The following BICC1 variants were observed in gnomAD, a reference collection of about 807,000 sequenced individuals.
The protein encoded by BICC1 is BicC family RNA binding protein 1, also known as protein bicaudal C homolog 1.
BICC1 carries 43 observed loss-of-function variants against 111.0 expected under a neutral mutation model. The ratio of observed to expected loss-of-function variants is 0.39; its 90% CI spans 0.30 to 0.50. The LOEUF (loss-of-function observed/expected upper bound fraction) is 0.50, where lower values mean the gene tolerates loss of function less well. Among genes scored for constraint, BICC1 ranks in the 20% least tolerant of loss-of-function variants. The pLI is 0.88. For missense variants in BICC1, 1,091 were observed against 1,203.2 expected, an observed-to-expected ratio of 0.91 and a Z score of 1.38; for synonymous variants, 467 against 434.4, an observed-to-expected ratio of 1.07 and a Z score of -0.93.
intron 1 of BICC1, among the ~76,000 whole-genome samples, chr10:58,570,734 T>G (rs1226897420): frequency 6.6e-6 from 1 of 152,128 alleles, no homozygotes; most frequent in Non-Finnish European, 1.5e-5. Context: ...GTCAGGGAAG[T>G]TATGTGCAAA....
At chr10:58,737,508 T>A (rs1841509919) in intron 3 of BICC1, among the ~76,000 whole-genome samples, 1 of 152,222 alleles carries the variant, frequency 6.6e-6, no homozygotes, top group Admixed American at 6.5e-5. Context: ...TTGATGGACA[T>A]TTGGGTTGGT....
intron 3 of BICC1, chr10:58,715,541 T>C: frequency 6.8e-7 from 1 of 1,467,122 alleles, no homozygotes; most frequent in South Asian, 1.1e-5. Flanking sequence ...CACTGTGTGC[T>C]CAGTCCAGCA....
At chr10:58,526,185 G>A (rs1298034974) in intron 1 of BICC1, among the ~76,000 whole-genome samples, 1 of 151,632 alleles carries the variant, frequency 6.6e-6, no homozygotes, top group Admixed American at 6.6e-5. Flanking sequence ...ATGCCCATTG[G>A]GATCTGTACT....
chr10:58,572,119 C>T (rs977802669), intron 1 of BICC1, among the ~76,000 whole-genome samples: 7 of 151,866 alleles, frequency 4.6e-5, no homozygotes, highest in Admixed American at 1.3e-4. Flanking sequence ...GTTTGTTGGC[C>T]GCATGTATGT....
At chr10:58,704,416 G>T (rs1840331477) in intron 3 of BICC1, among the ~76,000 whole-genome samples, 1 of 152,174 alleles carries the variant, frequency 6.6e-6, no homozygotes, top group South Asian at 2.1e-4. Context: ...GCACACAGCT[G>T]CTGAATCAGT....
intron 2 of BICC1, among the ~76,000 whole-genome samples, chr10:58,666,839 T>C (rs1839028955): frequency 6.6e-6 from 1 of 152,154 alleles, no homozygotes; most frequent in African/African-American, 2.4e-5. Flanking sequence ...TTCTCTTTCT[T>C]AATTGAATTA....
chr10:58,664,440 T>C (rs551812682), intron 2 of BICC1, among the ~76,000 whole-genome samples: 117 of 145,166 alleles, frequency 8.1e-4, no homozygotes, highest in African/African-American at 2.2e-3. Flanking sequence ...TCATAAGATA[T>C]AGGTTTTGTA....
At chr10:58,525,717 A>AAGT (rs200422633) in intron 1 of BICC1, among the ~76,000 whole-genome samples, 4 of 128,792 alleles carry the variant, frequency 3.1e-5, no homozygotes, top group Admixed American at 2.6e-4. Context: ...AATAAAAAAA[A>AAGT]TTTTTTAAAG....
At position 58,668,822 on chromosome 10, in the gene BICC1, G is replaced by A. The variant is rs554810796; in HGVS notation, c.238-33252G>A. Among the ~76,000 whole-genome samples, 3 of 152,114 alleles carry A rather than the reference G, an allele frequency of 2.0e-5. No homozygotes were observed. In the South Asian group the frequency reaches 6.2e-4, roughly 31 times the overall value. Reference sequence around the variant, plus strand: ...CTTAGAAACTCAGGAGTTGGGACCAGCCTTGAGCTCACTTAGCTTTTTCTC... The same window carrying A: ...CTTAGAAACTCAGGAGTTGGGACCAACCTTGAGCTCACTTAGCTTTTTCTC... On this transcript the variant is annotated intron_variant, in intron 2 of 20. Coordinates refer to ENST00000373886, the MANE Select transcript of BICC1 (RefSeq NM_001080512.3).
At chr10:58,612,404 A>G (rs1439365211) in intron 1 of BICC1, among the ~76,000 whole-genome samples, 1 of 152,208 alleles carries the variant, frequency 6.6e-6, no homozygotes, top group Non-Finnish European at 1.5e-5. Context: ...AGTTTTCTGG[A>G]AACAGTTAAT....
intron 19 of BICC1, among the ~76,000 whole-genome samples, chr10:58,818,536 T>C (rs568024288): frequency 1.1e-4 from 17 of 152,308 alleles, no homozygotes; most frequent in African/African-American, 4.1e-4. Flanking sequence ...TGTCAGTTAA[T>C]AAAGAATCTA....
At chr10:58,729,854 G>A (rs1841233023) in intron 3 of BICC1, among the ~76,000 whole-genome samples, 1 of 152,126 alleles carries the variant, frequency 6.6e-6, no homozygotes, top group African/African-American at 2.4e-5. Flanking sequence ...CCACCCAATG[G>A]TCCAGTTGCC....
chr10:58,789,044 T>G (rs1843095929), intron 6 of BICC1, among the ~76,000 whole-genome samples: 1 of 151,788 alleles, frequency 6.6e-6, no homozygotes, highest in African/African-American at 2.4e-5. Flanking sequence ...TGAGCTGGGA[T>G]GATACCACTG....
chr10:58,553,487 C>G (rs1051213296), intron 1 of BICC1, among the ~76,000 whole-genome samples: 3 of 152,140 alleles, frequency 2.0e-5, no homozygotes, highest in Non-Finnish European at 2.9e-5. Context: ...TGCAGTCCAT[C>G]AACACCTGGA....
At chr10:58,820,603 C>T (rs768733507) in intron 20 of BICC1, 135 bp downstream of exon 20, 12 of 621,530 alleles carry the variant, frequency 1.9e-5, no homozygotes, top group Non-Finnish European at 3.5e-5. Context: ...GAGGGTTTTC[C>T]TGTCAACAGT....
At chr10:58,732,959 C>A (rs1173412507) in intron 3 of BICC1, among the ~76,000 whole-genome samples, 1 of 151,870 alleles carries the variant, frequency 6.6e-6, no homozygotes, top group African/African-American at 2.4e-5. Flanking sequence ...GAGCACATTG[C>A]TTTTGGAAAA....
chr10:58,649,061 A>G (rs958250318), intron 2 of BICC1, among the ~76,000 whole-genome samples: 1 of 152,214 alleles, frequency 6.6e-6, no homozygotes, highest in Non-Finnish European at 1.5e-5. Flanking sequence ...CTTCTCCCCA[A>G]TAAGAAGATT....
intron 3 of BICC1, among the ~76,000 whole-genome samples, chr10:58,731,354 A>G (rs1339009735): frequency 6.6e-6 from 1 of 152,146 alleles, no homozygotes; most frequent in Admixed American, 6.5e-5. Flanking sequence ...AGGAAGTTCC[A>G]AACTTCCCTT....
At chr10:58,611,947 A>G (rs1845438580) in intron 1 of BICC1, among the ~76,000 whole-genome samples, 1 of 152,162 alleles carries the variant, frequency 6.6e-6, no homozygotes, top group South Asian at 2.1e-4. Flanking sequence ...AATTATATTT[A>G]TTTTTGTCTA....
Sources: allele counts gnomAD v4.1 joint callset (sites outside exome capture counted in the v4.1 genomes callset), GRCh38; gene constraint gnomAD v4.1.1; transcripts MANE v1.5; gene names NCBI Gene and HGNC (gene_info 2026-07-23, HGNC 2026-07-21).